Variants in SLC12A4 observed in about 807,000 individuals in gnomAD.
SLC12A4 encodes electroneutral potassium-chloride cotransporter 1.
In SLC12A4, 84 loss-of-function variants were observed where a neutral mutation model predicts 119.2. The ratio of observed to expected loss-of-function variants is 0.70; its 90% CI spans 0.59 to 0.85. The LOEUF (loss-of-function observed/expected upper bound fraction) is 0.85. Ranked by LOEUF, SLC12A4 falls within the 40% of genes least tolerant of loss-of-function variation. The probability of loss-of-function intolerance (pLI) is 0.00; values close to 1 mark genes in which losing one functional copy is unlikely to be tolerated. For missense variants in SLC12A4, 1,298 were observed against 1,476.3 expected (o/e 0.88, Z 1.98); for synonymous variants, 599 against 604.6 (o/e 0.99, Z 0.14).
intron 2 of SLC12A4, among the ~76,000 whole-genome samples, chr16:67,961,913 G>A (rs754779469): frequency 2.6e-5 from 4 of 152,182 alleles, no homozygotes; most frequent in Admixed American, 6.5e-5. Context: ...CCAGCCCCGC[G>A]GCTGCTTCTC....
chr16:67,947,561 C>T, intron 15 of SLC12A4, 108 bp downstream of exon 15: 1 of 1,509,602 alleles, frequency 6.6e-7, no homozygotes, highest in African/African-American at 1.4e-5. Context: ...GTCCCCAGTC[C>T]TGGCACCCAC....
chr16:67,944,388 G>T lies in SLC12A4; in HGVS notation c.*452C>A, dbSNP rs528284585. ...GCCTCAGCTCAGCTGTCTCCATTCG[G>T]CTCAGCTTGGTGGGGGGCCCTGCCC... is the stretch of plus-strand genomic sequence containing the variant. On this transcript the variant is annotated 3_prime_UTR_variant, in exon 24 of 24. Transcript: ENST00000316341. The surrounding 1 kb of genome is among the most constrained non-coding windows in gnomAD (Gnocchi z 6.6). 2,516 of 1,319,132 alleles carry T rather than the reference G, an allele frequency of 1.9e-3. 2 individuals are homozygous for T. The highest frequency in any genetic ancestry group is 2.2e-3 in the Non-Finnish European group (2,241 of 1,034,468). The allele number at this position is 1,319,132 out of a possible 1,614,324, so 81.7% of individuals were successfully genotyped here. A position where few individuals can be genotyped will look rare whatever the true frequency, so the allele number is the denominator to read the frequency against.
At position 67,948,056 on chromosome 16, in the gene SLC12A4, C is replaced by T; in HGVS notation, c.1847+5G>A. ...AGGGTCTCCCGTGTCAGAGGCATGG[C>T]TCACCAGTGATAGTACTTGAACCGG... On this transcript the variant is annotated splice_donor_5th_base_variant and intron_variant, in intron 14 of 23. Transcript: ENST00000316341. The T allele has an allele frequency of 6.2e-7, 1 of 1,613,010 alleles. No homozygotes were observed.
At chr16:67,966,840 G>A (rs1375186895) in intron 1 of SLC12A4, 5 of 1,547,432 alleles carry the variant, frequency 3.2e-6, no homozygotes, top group Non-Finnish European at 4.4e-6. Context: ...GGAGGCAGTG[G>A]GAGGAGCTGG....
At chr16:67,956,800 T>C (rs944622121) in intron 5 of SLC12A4, among the ~76,000 whole-genome samples, 2 of 151,184 alleles carry the variant, frequency 1.3e-5, no homozygotes, top group African/African-American at 2.4e-5. Context: ...TACACACATA[T>C]ACTTTTGGGA....
At position 67,966,927 on chromosome 16, in the gene SLC12A4, G is replaced by A. The variant is rs529151646; in HGVS notation, c.115+1512C>T. 59 of 1,430,674 alleles carry A rather than the reference G, an allele frequency of 4.1e-5. 1 individual carries two copies. The Middle Eastern group carries it at 8.2e-4, about 20-fold the overall frequency. 88.6% of individuals were successfully genotyped at this position (1,430,674 alleles called of 1,614,324 possible). A position where few individuals can be genotyped will look rare whatever the true frequency, so the allele number is the denominator to read the frequency against. ...CCAGTCACCCTGTAGGGGCCAAGGC[G>A]TGGCCAAGGTGGGGCCAGCAGCTAG... On this transcript the variant is annotated intron_variant, in intron 1 of 23. Coordinates refer to ENST00000316341, the MANE Select transcript of SLC12A4 (RefSeq NM_005072.5).
In SLC12A4 at chr16:67,944,874, C is replaced by T. The variant is rs776158865; in HGVS notation, c.3224G>A (p.Gly1075Asp). 4 of 1,613,442 alleles carry T rather than the reference C, an allele frequency of 2.5e-6. No individual in the cohort carries two copies. The South Asian group carries it at 3.3e-5, about 13-fold the overall frequency. Reference protein sequence around the residue: ...EGLERVLLVRGGGREVITIYS With the variant: ...EGLERVLLVRDGGREVITIYS Reference sequence around the variant, plus strand: ...GATGGTGATGACTTCACGGCCACCACCGCGCACCAACAGCACCCGCTCAAG... The same window carrying T: ...GATGGTGATGACTTCACGGCCACCATCGCGCACCAACAGCACCCGCTCAAG... Residue 1075 changes from glycine to aspartate, a missense_variant, in exon 24 of 24, where the codon GGT (glycine) becomes GAT (aspartate). By Grantham distance (94) the Gly-to-Asp change is moderately conservative. Coordinates refer to ENST00000316341, the MANE Select transcript of SLC12A4 (RefSeq NM_005072.5). This position sits in a 1 kb window ranked among gnomAD's most constrained non-coding sequence, Gnocchi z 6.6.
intron 3 of SLC12A4, among the ~76,000 whole-genome samples, chr16:67,961,372 G>A (rs1241735711): frequency 6.6e-6 from 1 of 152,112 alleles, no homozygotes; most frequent in Non-Finnish European, 1.5e-5. Flanking sequence ...GGGCTCCCTG[G>A]CCCTCTGCCC....
chr16:67,954,895 G>T, intron 5 of SLC12A4, 122 bp from the exon 6 acceptor site: 1 of 1,258,484 alleles, frequency 7.9e-7, no homozygotes, highest in Non-Finnish European at 1.1e-6. Context: ...TTGTGGATGA[G>T]TAGAGGGGCT....
intron 17 of SLC12A4, 114 bp from the exon 18 acceptor site, chr16:67,946,747 A>G (rs2058355497): frequency 7.5e-7 from 1 of 1,329,210 alleles, no homozygotes; most frequent in South Asian, 1.4e-5. Context: ...GCCTGGGGGC[A>G]ACAAGCTGCC....
chr16:67,959,233 G>C (rs778531940), intron 3 of SLC12A4, among the ~76,000 whole-genome samples: 67 of 152,198 alleles, frequency 4.4e-4, no homozygotes, highest in Non-Finnish European at 8.8e-4. Context: ...CACAGAGGCT[G>C]GCTGACATCT....
Position 67,951,606 on chromosome 16 carries a change from G to A in SLC12A4, c.1132+217C>T. 1 of 613,086 alleles carries A rather than the reference G, an allele frequency of 1.6e-6. No individual in the cohort carries two copies. The highest frequency in any genetic ancestry group is 2.9e-6 in the Non-Finnish European group (1 of 349,238). 38.0% of individuals were successfully genotyped at this position (613,086 alleles called of 1,614,324 possible). ...AGGCAGTGTCAGGGGCTGGTGGCTG[G>A]GGAAGACAGGCTGCTGCAGGCCTTG... On this transcript the variant is annotated intron_variant, in intron 8 of 23. Transcript: ENST00000316341. The surrounding 1 kb of genome is among the most constrained non-coding windows in gnomAD (Gnocchi z 5.2).
rs146900494 is a variant in SLC12A4, at chr16:67,946,263, C to G, written c.2515G>C (p.Glu839Gln). The change falls in exon 19 of 24, where the codon GAG (glutamate) becomes CAG (glutamine). Residue 839 changes from glutamate (E) to glutamine (Q), a missense_variant. Glu to Gln is a conservative substitution (Grantham distance 29). Coordinates refer to ENST00000316341, the MANE Select transcript of SLC12A4 (RefSeq NM_005072.5). ...TCTATGTGGCCCTCCAGGTAGCGCT[C>G]GTGGTTGCTGGGGTAGAAGGCGATG... ...KNIAFYPSNH[E>Q]RYLEGHIDVW... 6.2e-7 allele frequency: 1 copy of G among 1,613,632 alleles called. No individual in the cohort carries two copies. Among genetic ancestry groups the G allele is most frequent in the Non-Finnish European group, 8.5e-7 (1 of 1,180,026 alleles).
chr16:67,952,147 T>C, intron 7 of SLC12A4, 37 bp downstream of exon 7: 1 of 1,612,326 alleles, frequency 6.2e-7, no homozygotes, highest in Non-Finnish European at 8.5e-7. Context: ...GGGAGGGATG[T>C]CCATGCAATG....
chr16:67,944,514 T>A lies in SLC12A4; in HGVS notation c.*326A>T. ...GATGGTGACATCCAAACAATAAATA[T>A]GCAATAAATAGCGCTCCTGGGCTGG... On this transcript the variant is annotated 3_prime_UTR_variant, in exon 24 of 24. Coordinates refer to ENST00000316341, the MANE Select transcript of SLC12A4 (RefSeq NM_005072.5). This position sits in a 1 kb window ranked among gnomAD's most constrained non-coding sequence, Gnocchi z 6.6. 8.0e-7 allele frequency: 1 copy of A among 1,256,866 alleles called. No homozygotes were observed. The highest frequency in any genetic ancestry group is 1.0e-6 in the Non-Finnish European group (1 of 998,298). 77.9% of individuals were successfully genotyped at this position (1,256,866 alleles called of 1,614,324 possible).
chr16:67,966,981 G>A (rs1200712758), intron 1 of SLC12A4: 9 of 1,164,836 alleles, frequency 7.7e-6, no homozygotes, highest in Non-Finnish European at 1.0e-5. Context: ...ACTGGTCCAG[G>A]CTGATCCTGG....
rs1309446445 is a variant in SLC12A4 at position 67,959,736 on chromosome 16, A to C, written c.343-1692T>G. On this transcript the variant is annotated intron_variant, in intron 3 of 23. Transcript: ENST00000316341. ...AGAAAAGGACAGTGTGGGAAAGGGC[A>C]GGGTGGGCCGGAAATGCTTTCTGCA... 2.0e-5 allele frequency among the ~76,000 whole-genome samples: 3 copies of C among 152,316 alleles called. No homozygotes were observed. In the East Asian group the frequency reaches 5.8e-4, roughly 29 times the overall value.
In SLC12A4 at chr16:67,951,385, T is replaced by C. The variant is rs1189076104; in HGVS notation, c.1133-81A>G. ...GGGGCAGCCTAGCCAGAGGCGCAGA[T>C]GCAGGGCAACTTTGGGGACTCAGGG... On this transcript the variant is annotated intron_variant, in intron 8 of 23. Transcript: ENST00000316341. The surrounding 1 kb of genome is among the most constrained non-coding windows in gnomAD (Gnocchi z 5.2). 2 of 1,504,462 alleles carry C rather than the reference T, an allele frequency of 1.3e-6. No individual in the cohort carries two copies. Among genetic ancestry groups the C allele is most frequent in the Non-Finnish European group, 1.8e-6 (2 of 1,116,244 alleles). The allele number at this position is 1,504,462 out of a possible 1,614,324, so 93.2% of individuals were successfully genotyped here.
intron 6 of SLC12A4, 67 bp downstream of exon 6, chr16:67,954,576 T>G: frequency 6.3e-7 from 1 of 1,594,586 alleles, no homozygotes; most frequent in Non-Finnish European, 8.6e-7. Context: ...AGCCTGAGCC[T>G]TCTGTTTGGA....
Sources: allele counts gnomAD v4.1 joint callset (sites outside exome capture counted in the v4.1 genomes callset), GRCh38; gene constraint gnomAD v4.1.1; non-coding constraint Gnocchi (gnomAD v3.1); transcripts MANE v1.5; gene names NCBI Gene and HGNC (gene_info 2026-07-23, HGNC 2026-07-21).